The following ECE1 variants were observed in gnomAD, a reference collection of about 807,000 sequenced individuals.
ECE1 encodes the protein endothelin converting enzyme 1.
ECE1 carries 35 observed loss-of-function variants against 98.6 expected under a neutral mutation model. The ratio of observed to expected loss-of-function variants is 0.35; its 90% CI spans 0.27 to 0.47. The LOEUF is 0.47. Ranked by LOEUF, ECE1 falls within the 20% of genes least tolerant of loss-of-function variation. The pLI is 1.00. For missense variants in ECE1, 814 were observed against 1,025.3 expected (o/e 0.79, Z 2.81); for synonymous variants, 394 against 407.1 (o/e 0.97, Z 0.39).
At position 21,338,612 on chromosome 1, in the gene ECE1, G is replaced by A. The variant is rs375547054; in HGVS notation, c.3+6764C>T. On this transcript the variant is annotated intron_variant, in intron 1 of 18. Transcript: ENST00000415912. ...CATCCTGCATGTCATTACTGAAGAC[G>A]GCCCTGGAGTCAGTCTGCTCCAGCC... Among the ~76,000 whole-genome samples the A allele has an allele frequency of 1.3e-4, 20 of 152,292 alleles. 1 individual carries two copies. Among genetic ancestry groups the A allele is most frequent in the African/African-American group, 4.1e-4 (17 of 41,566 alleles).
At chr1:21,232,571 T>C (rs1034913675) in intron 14 of ECE1, among the ~76,000 whole-genome samples, 4 of 152,098 alleles carry the variant, frequency 2.6e-5, no homozygotes, top group Admixed American at 1.3e-4. Flanking sequence ...AGTGCTGGGA[T>C]TGCAGGCCTG....
intron 1 of ECE1, among the ~76,000 whole-genome samples, chr1:21,309,814 C>T (rs1374674804): frequency 7.6e-6 from 1 of 132,106 alleles, no homozygotes; most frequent in Non-Finnish European, 1.5e-5. Flanking sequence ...CGTTTTGAGA[C>T]GGAGTCTCGC....
chr1:21,274,554 C>G (rs1437061174), intron 3 of ECE1, among the ~76,000 whole-genome samples: 1 of 152,160 alleles, frequency 6.6e-6, no homozygotes, highest in Non-Finnish European at 1.5e-5. Flanking sequence ...TCAGCTTCCT[C>G]AAGTCTCAGG....
At chr1:21,228,433 A>C (rs957440953) in intron 14 of ECE1, among the ~76,000 whole-genome samples, 2 of 152,172 alleles carry the variant, frequency 1.3e-5, no homozygotes, top group African/African-American at 4.8e-5. Flanking sequence ...CAGTTAATTA[A>C]TGATGTCATA....
intron 2 of ECE1, among the ~76,000 whole-genome samples, chr1:21,288,418 C>T (rs2098262926): frequency 1.3e-5 from 2 of 152,208 alleles, no homozygotes; most frequent in South Asian, 4.1e-4. Context: ...GAGATTAAGC[C>T]ACTAGCCCAA....
chr1:21,229,996 C>T (rs2098179723), intron 14 of ECE1, among the ~76,000 whole-genome samples: 1 of 151,896 alleles, frequency 6.6e-6, no homozygotes, highest in Non-Finnish European at 1.5e-5. Flanking sequence ...AAAAAAATTA[C>T]AAAAATTCCG....
Position 21,339,018 on chromosome 1 carries a change from G to C in ECE1, c.3+6358C>G, listed in dbSNP as rs140637189. Among the ~76,000 whole-genome samples, 41 of 152,176 alleles carry C rather than the reference G, an allele frequency of 2.7e-4. 3 individuals carry two copies. In the East Asian group the frequency reaches 7.9e-3, roughly 29 times the overall value. On this transcript the variant is annotated intron_variant, in intron 1 of 18. Coordinates refer to the ECE1 transcript ENST00000415912. The stretch of plus-strand genomic sequence containing the variant: ...TCCTGCTTAGAGGGCTATGTGGTCA[G>C]AAAGGCTGGGACATCAGGTGTTAGG...
chr1:21,264,476 G>A (rs1205584533), intron 4 of ECE1, among the ~76,000 whole-genome samples: 4 of 152,040 alleles, frequency 2.6e-5, no homozygotes, highest in African/African-American at 7.2e-5. Context: ...CATCACGCCC[G>A]GCTAATTTTT....
chr1:21,290,255 C>A lies in ECE1; in HGVS notation c.52-99G>T. The stretch of plus-strand genomic sequence containing the variant: ...GACCCTGGCGCCGCCGCCGCCGCGC[C>A]CCGCCCCGGCCTGGACACCCGAGAC... On this transcript the variant is annotated intron_variant, in intron 1 of 18. Coordinates refer to ENST00000374893, the MANE Select transcript of ECE1 (RefSeq NM_001397.3). This position sits in a 1 kb window ranked among gnomAD's most constrained non-coding sequence, Gnocchi z 7.3. 7.3e-7 allele frequency: 1 copy of A among 1,364,640 alleles called. No homozygotes were observed. The highest frequency in any genetic ancestry group is 9.5e-7 in the Non-Finnish European group (1 of 1,052,758). 84.5% of individuals were successfully genotyped at this position (1,364,640 alleles called of 1,614,324 possible). A position where few individuals can be genotyped will look rare whatever the true frequency, so the allele number is the denominator to read the frequency against.
chr1:21,322,727 C>G lies in ECE1; in HGVS notation c.3+22649G>C, dbSNP rs1638991600. Among the ~76,000 whole-genome samples the G allele has an allele frequency of 6.6e-6, 1 of 152,178 alleles. No individual in the cohort carries two copies. Among genetic ancestry groups the G allele is most frequent in the Non-Finnish European group, 1.5e-5 (1 of 68,026 alleles). On this transcript the variant is annotated intron_variant, in intron 1 of 18. Coordinates refer to the ECE1 transcript ENST00000415912. This position sits in a 1 kb window ranked among gnomAD's most constrained non-coding sequence, Gnocchi z 4.1. ...GGAGAGGCACAGGAAAGGGGGCAGA[C>G]AGACAAGGGCCTCTTGTCAGGAAGG...
rs193146809 is a variant in ECE1 at position 21,288,922 on chromosome 1, G to T, written c.138+1148C>A. Among the ~76,000 whole-genome samples, 10 of 152,332 alleles carry T rather than the reference G, an allele frequency of 6.6e-5. No homozygotes were observed. The East Asian group carries it at 1.9e-3, about 29-fold the overall frequency. ...CAGGGGTGTTCCTGAAGGTTAAGCAGGGGTACCACACATCCCAGTGGGTAG... is the reference window on the plus strand; with the variant it reads ...CAGGGGTGTTCCTGAAGGTTAAGCATGGGTACCACACATCCCAGTGGGTAG... On this transcript the variant is annotated intron_variant, in intron 2 of 18. Coordinates refer to ENST00000374893, the MANE Select transcript of ECE1 (RefSeq NM_001397.3).
intron 14 of ECE1, among the ~76,000 whole-genome samples, chr1:21,229,445 A>G (rs942955212): frequency 6.6e-6 from 1 of 151,990 alleles, no homozygotes; most frequent in Admixed American, 6.6e-5. Flanking sequence ...TACTTTTAGG[A>G]TGACTGGTAA....
chr1:21,264,244 G>C (rs2098230844), intron 4 of ECE1, among the ~76,000 whole-genome samples: 3 of 151,994 alleles, frequency 2.0e-5, no homozygotes, highest in Admixed American at 1.3e-4. Flanking sequence ...CCCTGGTCTG[G>C]GGAGTCTGTA....
At chr1:21,254,117 G>C (rs1392164091) in intron 8 of ECE1, among the ~76,000 whole-genome samples, 2 of 151,072 alleles carry the variant, frequency 1.3e-5, no homozygotes, top group Non-Finnish European at 2.9e-5. Flanking sequence ...CCTTGTGAGG[G>C]CAAGGGCTAT....
intron 1 of ECE1, among the ~76,000 whole-genome samples, chr1:21,304,856 A>G (rs1236806775): frequency 6.6e-6 from 1 of 152,220 alleles, no homozygotes; most frequent in South Asian, 2.1e-4. Flanking sequence ...GGAGGGGCTC[A>G]TGTTTCAAGG....
At position 21,220,080 on chromosome 1, in the gene ECE1, C is replaced by A; in HGVS notation, c.2188G>T (p.Asp730Tyr). ...CGGAAGCGAGAGGGGCTGTGGGGAT[C>A]GGTGATGAGGCCTTCGTGGGAGCTC... ...PESSHEGLIT[D>Y]PHSPSRFRVI... Residue 730 changes from aspartate to tyrosine, a missense_variant, in exon 19 of 19, where the codon GAT becomes TAT. Physicochemically the swap from Asp to Tyr is radical, Grantham distance 160. Around this residue, in one of 3 missense-constraint regions of ECE1, gnomAD observed 452 missense variants for 567.3 expected, o/e 0.80. Coordinates refer to ENST00000374893, the MANE Select transcript of ECE1 (RefSeq NM_001397.3). The surrounding 1 kb of genome is among the most constrained non-coding windows in gnomAD (Gnocchi z 5.0). 6.2e-7 allele frequency: 1 copy of A among 1,614,114 alleles called. No individual in the cohort carries two copies.
Position 21,247,345 on chromosome 1 carries a change from T to C in ECE1, c.1039A>G (p.Asn347Asp). 1 of 1,614,212 alleles carries C rather than the reference T, an allele frequency of 6.2e-7. No homozygotes were observed. The highest frequency in any genetic ancestry group is 2.2e-5 in the East Asian group (1 of 44,880). The stretch of plus-strand genomic sequence containing the variant: ...ATGGTGTTGAGAAAAGGCAACCAGT[T>C]GATGGCGGGTGCCAAGGTCTGCAAG... Reference protein sequence around the residue: ...AELQTLAPAINWLPFLNTIFY... With the variant: ...AELQTLAPAIDWLPFLNTIFY... Residue 347 changes from asparagine to aspartate, a missense_variant, in exon 9 of 19, where the codon AAC becomes GAC. Physicochemically the swap from Asn to Asp is conservative, Grantham distance 23. Around this residue, in one of 3 missense-constraint regions of ECE1, gnomAD observed 452 missense variants for 567.3 expected, o/e 0.80. Coordinates refer to ENST00000374893, the MANE Select transcript of ECE1 (RefSeq NM_001397.3).
At chr1:21,305,873 C>T (rs1033423364) in intron 1 of ECE1, among the ~76,000 whole-genome samples, 1 of 152,210 alleles carries the variant, frequency 6.6e-6, no homozygotes, top group African/African-American at 2.4e-5. Context: ...GACAGGGAGC[C>T]ACCTCGATCC....
chr1:21,267,553 C>G (rs1201227877), intron 4 of ECE1, among the ~76,000 whole-genome samples: 3 of 152,184 alleles, frequency 2.0e-5, no homozygotes, highest in Admixed American at 1.3e-4. Flanking sequence ...CCACTGGGTC[C>G]TTGCCACAAA....
Sources: allele counts gnomAD v4.1 joint callset (sites outside exome capture counted in the v4.1 genomes callset), GRCh38; gene constraint gnomAD v4.1.1; regional missense constraint gnomAD v4.1.1; non-coding constraint Gnocchi (gnomAD v3.1); transcripts MANE v1.5; gene names NCBI Gene and HGNC (gene_info 2026-07-23, HGNC 2026-07-21).